Variants in ANTXR2 observed in about 807,000 individuals in gnomAD.
ANTXR2 encodes the protein ANTXR cell adhesion molecule 2, also known as anthrax toxin receptor 2.
In ANTXR2, 44 loss-of-function variants were observed where a neutral mutation model predicts 73.7. The ratio of observed to expected loss-of-function variants is 0.60; its 90% CI spans 0.47 to 0.77. The LOEUF is 0.77. Among genes scored for constraint, ANTXR2 ranks in the 30% least tolerant of loss-of-function variants. The pLI is 0.00. For synonymous variants in ANTXR2, 217 were observed against 205.9 expected, an observed-to-expected ratio of 1.05 and a Z score of -0.46; for missense variants, 604 against 592.5, an observed-to-expected ratio of 1.02 and a Z score of -0.20.
At chr4:80,017,932 G>A (rs1407805910) in intron 11 of ANTXR2, among the ~76,000 whole-genome samples, 1 of 152,146 alleles carries the variant, frequency 6.6e-6, no homozygotes, top group Admixed American at 6.5e-5. Flanking sequence ...CTTATCCAAG[G>A]AGTTAAAAAG....
Position 80,072,778 on chromosome 4 carries a change from C to G in ANTXR2, c.-218G>C, listed in dbSNP as rs552042966. 8.2e-7 allele frequency: 1 copy of G among 1,217,134 alleles called. No homozygotes were observed. Among genetic ancestry groups the G allele is most frequent in the African/African-American group, 1.6e-5 (1 of 63,128 alleles). 75.4% of individuals were successfully genotyped at this position (1,217,134 alleles called of 1,614,324 possible). A position where few individuals can be genotyped will look rare whatever the true frequency, so the allele number is the denominator to read the frequency against. ...GAGTCTCCGCCACCGCCGCAGCTGCCGCCGGAACTCTTGACGAATCCCAGT... is the reference window on the plus strand; with the variant it reads ...GAGTCTCCGCCACCGCCGCAGCTGCGGCCGGAACTCTTGACGAATCCCAGT... On this transcript the variant is annotated 5_prime_UTR_variant, in exon 1 of 17. Coordinates refer to ENST00000403729, the MANE Select transcript of ANTXR2 (RefSeq NM_058172.6).
intron 13 of ANTXR2, among the ~76,000 whole-genome samples, chr4:79,984,345 G>T (rs1730014633): frequency 6.6e-6 from 1 of 152,152 alleles, no homozygotes; most frequent in African/African-American, 2.4e-5. Context: ...TGTAGGTTTG[G>T]ACTCTATGAA....
chr4:79,988,232 TATATA>T (rs1730283897), intron 12 of ANTXR2, among the ~76,000 whole-genome samples: 1 of 446 alleles, frequency 2.2e-3, no homozygotes, highest in African/African-American at 6.1e-3. Flanking sequence ...ATAAATTTTA[TATATA>T]TATATATATA....
chr4:79,977,454 C>T, intron 16 of ANTXR2, 167 bp downstream of exon 16: 4 of 1,344,670 alleles, frequency 3.0e-6, no homozygotes, highest in Non-Finnish European at 3.9e-6. Flanking sequence ...TGCATTCTAA[C>T]AATAGGTAAT....
chr4:79,910,532 GAA>G (rs10718867), intron 16 of ANTXR2, among the ~76,000 whole-genome samples: 5 of 137,578 alleles, frequency 3.6e-5, no homozygotes, highest in South Asian at 4.4e-4. Context: ...AGAAAAAAAA[GAA>G]AAAAAAAAAG....
chr4:79,949,374 T>C (rs1469276043), intron 16 of ANTXR2, among the ~76,000 whole-genome samples: 2 of 152,164 alleles, frequency 1.3e-5, no homozygotes, highest in African/African-American at 2.4e-5. Flanking sequence ...AGGTCATTAA[T>C]GATGACAAGG....
At chr4:80,010,997 A>G (rs577851721) in intron 11 of ANTXR2, among the ~76,000 whole-genome samples, 1 of 152,056 alleles carries the variant, frequency 6.6e-6, no homozygotes, top group African/African-American at 2.4e-5. Flanking sequence ...AATACAAAAA[A>G]TCAGCCAGGC....
chr4:80,034,001 T>A (rs1732835538), intron 8 of ANTXR2, among the ~76,000 whole-genome samples: 1 of 152,098 alleles, frequency 6.6e-6, no homozygotes, highest in Non-Finnish European at 1.5e-5. Context: ...GTTTTTTAGT[T>A]CTTCGAAAAG....
chr4:79,954,074 G>C (rs1050571567), intron 16 of ANTXR2, among the ~76,000 whole-genome samples: 1 of 152,032 alleles, frequency 6.6e-6, no homozygotes, highest in South Asian at 2.1e-4. Flanking sequence ...GAATTTACAC[G>C]AACTAAATTT....
intron 12 of ANTXR2, among the ~76,000 whole-genome samples, chr4:79,992,263 T>C (rs1005216230): frequency 1.3e-5 from 2 of 151,968 alleles, no homozygotes; most frequent in Non-Finnish European, 1.5e-5. Flanking sequence ...CCATTTTCCA[T>C]AGTGAAAGGG....
At chr4:79,917,445 T>TG (rs1301265008) in intron 16 of ANTXR2, among the ~76,000 whole-genome samples, 3 of 152,132 alleles carry the variant, frequency 2.0e-5, no homozygotes, top group African/African-American at 7.2e-5. Context: ...TGCAAGTCAT[T>TG]GGCCAGTCCA....
chr4:80,031,471 C>T (rs539548373), intron 10 of ANTXR2, among the ~76,000 whole-genome samples, 152 bp downstream of exon 10: 19 of 151,904 alleles, frequency 1.3e-4, no homozygotes, highest in African/African-American at 4.1e-4. Context: ...ACTTGCTTGC[C>T]TAGTACTAAG....
intron 16 of ANTXR2, among the ~76,000 whole-genome samples, chr4:79,961,111 T>TC (rs1246853663): frequency 3.3e-5 from 5 of 152,084 alleles, no homozygotes; most frequent in East Asian, 1.9e-4. Context: ...ATGCACTGTA[T>TC]CCCCCCTTGG....
intron 16 of ANTXR2, among the ~76,000 whole-genome samples, chr4:79,958,260 C>T (rs1728998684): frequency 6.6e-6 from 1 of 152,058 alleles, no homozygotes; most frequent in African/African-American, 2.4e-5. Context: ...TCATTCCTAA[C>T]TGCCCTACAG....
intron 7 of ANTXR2, among the ~76,000 whole-genome samples, chr4:80,049,618 C>T (rs1182844670): frequency 6.6e-6 from 1 of 151,662 alleles, no homozygotes; most frequent in African/African-American, 2.4e-5. Flanking sequence ...ATCAACTTCC[C>T]CCTCTGCCCT....
At chr4:79,962,736 A>T (rs1487203195) in intron 16 of ANTXR2, among the ~76,000 whole-genome samples, 7 of 152,206 alleles carry the variant, frequency 4.6e-5, no homozygotes, top group African/African-American at 1.7e-4. Flanking sequence ...TTTTTTCTAA[A>T]GCCCCTAAAA....
chr4:80,031,285 T>G (rs1732679573), intron 10 of ANTXR2, among the ~76,000 whole-genome samples: 1 of 151,230 alleles, frequency 6.6e-6, no homozygotes, highest in Admixed American at 6.6e-5. Flanking sequence ...TGTGTGTGCG[T>G]GTGCATGTGT....
intron 16 of ANTXR2, among the ~76,000 whole-genome samples, chr4:79,924,713 C>T (rs1012562960): frequency 6.6e-6 from 1 of 151,994 alleles, no homozygotes; most frequent in Non-Finnish European, 1.5e-5. Context: ...ACTGCAACTA[C>T]AAAAAATCTA....
At chr4:80,044,932 C>T (rs1026807412) in intron 7 of ANTXR2, among the ~76,000 whole-genome samples, 5 of 151,526 alleles carry the variant, frequency 3.3e-5, no homozygotes, top group Admixed American at 3.3e-4. Context: ...AGAAGCATGG[C>T]CATTATGACT....
Sources: allele counts gnomAD v4.1 joint callset (sites outside exome capture counted in the v4.1 genomes callset), GRCh38; gene constraint gnomAD v4.1.1; transcripts MANE v1.5; gene names NCBI Gene and HGNC (gene_info 2026-07-23, HGNC 2026-07-21).